The following UGT2A1 variants were observed in gnomAD, a reference collection of about 807,000 sequenced individuals.
UGT2A1 encodes UDP-glucuronosyltransferase 2A1.
A neutral mutation model predicts 45.4 loss-of-function variants in UGT2A1; 61 were observed. The observed-to-expected ratio is 1.34, with a 90% CI of 1.09 to 1.66. UGT2A1 has a LOEUF of 1.66. UGT2A1 is among the 40% of genes most tolerant of loss of function. UGT2A1 has a pLI of 0.00. For missense variants in UGT2A1, 649 were observed against 574.3 expected (o/e 1.13, Z -1.33); for synonymous variants, 229 against 196.2 (o/e 1.17, Z -1.40).
intron 3 of UGT2A1, among the ~76,000 whole-genome samples, chr4:69,623,474 C>T (rs1720871937): frequency 1.3e-5 from 2 of 151,538 alleles, no homozygotes; most frequent in African/African-American, 4.8e-5. Context: ...CTTGCCACTG[C>T]AGGAAACTGT....
At chr4:69,625,945 G>A (rs944266689) in intron 3 of UGT2A1, among the ~76,000 whole-genome samples, 1 of 151,298 alleles carries the variant, frequency 6.6e-6, no homozygotes, top group Non-Finnish European at 1.5e-5. Flanking sequence ...AACTATCATC[G>A]AAGAGTTATC....
intron 2 of UGT2A1, among the ~76,000 whole-genome samples, chr4:69,644,467 G>A (rs1408493746): frequency 6.6e-6 from 1 of 151,674 alleles, no homozygotes; most frequent in African/African-American, 2.4e-5. Context: ...CACATATTCA[G>A]AGTCCCTTTT....
rs1364738176 is a variant in UGT2A1 at position 69,602,924 on chromosome 4, C to T, written c.848-3530G>A. ...CTACTAAAAATACAAAAAAATTAGC[C>T]GGGCGTGGTGGCAGGTGCCTGTAAT... On this transcript the variant is annotated intron_variant, in intron 3 of 6. Transcript: ENST00000286604. Among the ~76,000 whole-genome samples, 7 of 134,280 alleles carry T rather than the reference C, an allele frequency of 5.2e-5. 1 individual carries two copies. The highest frequency in any genetic ancestry group is 1.8e-4 in the African/African-American group (6 of 32,884). The allele number at this position is 134,280 out of a possible 152,430, so 88.1% of individuals were successfully genotyped here.
intron 3 of UGT2A1, among the ~76,000 whole-genome samples, chr4:69,633,640 C>T (rs1477213081): frequency 6.6e-6 from 1 of 152,124 alleles, no homozygotes; most frequent in Non-Finnish European, 1.5e-5. Context: ...TATCTACATG[C>T]AACAACTTGT....
chr4:69,601,317 G>T (rs1307512560), intron 3 of UGT2A1, among the ~76,000 whole-genome samples: 1 of 152,094 alleles, frequency 6.6e-6, no homozygotes, highest in Admixed American at 6.5e-5. Flanking sequence ...TCGTGTTCTT[G>T]CTCCTGCACC....
rs927347988 is a variant in UGT2A1 at position 69,593,737 on chromosome 4, A to G, written c.1304+740T>C. On this transcript the variant is annotated intron_variant, in intron 6 of 6. Coordinates refer to ENST00000286604, the MANE Select transcript of UGT2A1 (RefSeq NM_001252275.3). ...CTATATCTTTTCTCTCTGTGTGTAT[A>G]CATATACTAATTAAAGGTATCGAAT... is the stretch of plus-strand genomic sequence containing the variant. Among the ~76,000 whole-genome samples the G allele has an allele frequency of 2.6e-5, 4 of 151,872 alleles. No homozygotes were observed. In the East Asian group the frequency reaches 7.7e-4, roughly 29 times the overall value.
At chr4:69,618,204 T>TGG (rs1720518418) in intron 3 of UGT2A1, among the ~76,000 whole-genome samples, 1 of 92,204 alleles carries the variant, frequency 1.1e-5, no homozygotes, top group African/African-American at 4.1e-5. Flanking sequence ...TGTGTGTGTG[T>TGG]GTGTGTGTGT....
intron 3 of UGT2A1, among the ~76,000 whole-genome samples, chr4:69,602,899 C>G (rs1390712111): frequency 7.4e-6 from 1 of 134,336 alleles, no homozygotes; most frequent in Non-Finnish European, 1.6e-5. Flanking sequence ...AACCCCGTCT[C>G]TACTAAAAAT....
At chr4:69,611,529 A>G (rs1720048516) in intron 3 of UGT2A1, among the ~76,000 whole-genome samples, 1 of 152,140 alleles carries the variant, frequency 6.6e-6, no homozygotes, top group Non-Finnish European at 1.5e-5. Context: ...GAGTAATGCT[A>G]CATGATATAG....
chr4:69,616,504 T>C (rs552147248), intron 3 of UGT2A1, among the ~76,000 whole-genome samples: 3 of 152,074 alleles, frequency 2.0e-5, no homozygotes, highest in African/African-American at 4.8e-5. Flanking sequence ...TCGATACAAC[T>C]ATTATGTATA....
chr4:69,600,748 G>A (rs1055864238), intron 3 of UGT2A1, among the ~76,000 whole-genome samples: 2 of 151,960 alleles, frequency 1.3e-5, no homozygotes, highest in South Asian at 2.1e-4. Context: ...AGAGCAGCAG[G>A]TTGTTTTGCA....
intron 1 of UGT2A1, among the ~76,000 whole-genome samples, chr4:69,650,188 G>A (rs977689986): frequency 2.6e-5 from 4 of 152,042 alleles, no homozygotes; most frequent in African/African-American, 9.7e-5. Flanking sequence ...GAACTCTTGA[G>A]TAATACCTCA....
intron 3 of UGT2A1, among the ~76,000 whole-genome samples, chr4:69,601,446 C>A (rs1281441074): frequency 6.6e-6 from 1 of 152,160 alleles, no homozygotes; most frequent in East Asian, 1.9e-4. Context: ...TCTACCACTA[C>A]AATTGGAGCT....
rs144676660 is a variant in UGT2A1, at chr4:69,590,997, T to C, written c.1305-1346A>G. Among the ~76,000 whole-genome samples, 289 of 152,328 alleles carry C rather than the reference T, an allele frequency of 1.9e-3. 1 individual carries two copies. The highest frequency in any genetic ancestry group is 6.7e-3 in the African/African-American group (278 of 41,580). ...ACATCCATATATATACTCTACACTA[T>C]ACCTTGTGTTCCCAGAGGTGGTATT... On this transcript the variant is annotated intron_variant, in intron 6 of 6. Transcript: ENST00000286604.
chr4:69,596,219 G>C (rs368509711), intron 4 of UGT2A1: 1 of 1,471,654 alleles, frequency 6.8e-7, no homozygotes, highest in Non-Finnish European at 9.0e-7. Flanking sequence ...TTAGTAAAAA[G>C]CTGTGTACCA....
chr4:69,640,964 T>A (rs1722020751), intron 2 of UGT2A1, among the ~76,000 whole-genome samples: 1 of 151,764 alleles, frequency 6.6e-6, no homozygotes, highest in Admixed American at 6.6e-5. Context: ...AAACTTTCAA[T>A]AAAAAGTAAA....
chr4:69,647,331 C>G lies in UGT2A1; in HGVS notation c.314G>C (p.Trp105Ser), dbSNP rs140580802. 1 of 1,613,298 alleles carries G rather than the reference C, an allele frequency of 6.2e-7. No homozygotes were observed. The highest frequency in any genetic ancestry group is 2.2e-5 in the East Asian group (1 of 44,858). Residue 105 changes from tryptophan to serine, a missense_variant, in exon 2 of 7, where the codon TGG becomes TCG. Coordinates refer to ENST00000286604, the MANE Select transcript of UGT2A1 (RefSeq NM_001252275.3). ...LENRPSPSTI[W>S]RFYQEMAKVI... The stretch of plus-strand genomic sequence containing the variant: ...TTTGGCCATCTCCTGATAGAATCTC[C>G]AAATGGTTGAAGGAGATGGTCTATT...
intron 3 of UGT2A1, chr4:69,599,693 GAA>G (rs1240333196): frequency 2.5e-3 from 473 of 188,128 alleles, no homozygotes; most frequent in East Asian, 4.8e-3. Flanking sequence ...TAGAAATAAA[GAA>G]AGAGAGAGAG....
rs1210461675 is a variant in UGT2A1, at chr4:69,596,147, A to G, written c.997-898T>C. On this transcript the variant is annotated intron_variant, in intron 4 of 6. Transcript: ENST00000286604. ...CTTACAACTGTTACTAGTGATACTC[A>G]GTGTATAATGAGTTTTGATTTTCAT... The G allele has an allele frequency of 5.3e-6, 7 of 1,331,572 alleles. No homozygotes were observed. In the African/African-American group the frequency reaches 8.9e-5, roughly 17 times the overall value. The allele number at this position is 1,331,572 out of a possible 1,614,324, so 82.5% of individuals were successfully genotyped here. A position where few individuals can be genotyped will look rare whatever the true frequency, so the allele number is the denominator to read the frequency against.
Sources: gnomAD v4.1 joint callset for allele counts (sites outside exome capture counted in the v4.1 genomes callset) on GRCh38, gnomAD v4.1.1 for gene constraint, MANE v1.5 for transcripts, NCBI Gene and HGNC (gene_info 2026-07-23, HGNC 2026-07-21) for gene names.